Variants in GALNT17 observed in about 807,000 individuals in gnomAD.
GALNT17 encodes UDP-GalNAc:polypeptide N-acetylgalactosaminyltransferase-like 3.
Under a neutral mutation model 63.7 loss-of-function variants are expected in GALNT17, and 29 were observed. That is an observed-to-expected ratio of 0.46 (90% CI 0.34 to 0.62). GALNT17 has a LOEUF of 0.62. Ranked by LOEUF, GALNT17 falls within the 20% of genes least tolerant of loss-of-function variation. The probability of loss-of-function intolerance (pLI) is 0.01; values close to 1 mark genes in which losing one functional copy is unlikely to be tolerated. For synonymous variants in GALNT17, 305 were observed against 318.3 expected (o/e 0.96, Z 0.45); for missense variants, 603 against 799.6 (o/e 0.75, Z 2.97).
chr7:71,266,770 C>T (rs2115667681), intron 1 of GALNT17, among the ~76,000 whole-genome samples: 1 of 152,204 alleles, frequency 6.6e-6, no homozygotes, highest in Non-Finnish European at 1.5e-5. Context: ...ACCTGGAAGG[C>T]CAGCTCTGCT....
chr7:71,335,171 G>A (rs892284762), intron 1 of GALNT17, among the ~76,000 whole-genome samples: 6 of 151,922 alleles, frequency 3.9e-5, no homozygotes, highest in African/African-American at 1.5e-4. Context: ...TTGCTCTATT[G>A]CCCAGGCTGG....
Position 71,595,660 on chromosome 7 carries a change from G to GACACACAC in GALNT17, c.1080+24295_1080+24302dup, listed in dbSNP as rs61389262. On this transcript the variant is annotated intron_variant, in intron 6 of 10. Transcript: ENST00000333538. ...TAAGATGCATAGAGAGAGAGACTGA[G>GACACACAC]ACACACACACACACACACACACACA... 1.1e-4 allele frequency among the ~76,000 whole-genome samples: 16 copies of GACACACAC among 142,788 alleles called. 1 individual carries two copies. Among genetic ancestry groups the GACACACAC allele is most frequent in the African/African-American group, 3.4e-4 (13 of 38,700 alleles). 93.7% of individuals were successfully genotyped at this position (142,788 alleles called of 152,430 possible).
rs1284838839 is a variant in GALNT17 at position 71,411,151 on chromosome 7, C to T, written c.590-4738C>T. 2.0e-5 allele frequency among the ~76,000 whole-genome samples: 3 copies of T among 151,578 alleles called. No homozygotes were observed. The South Asian group carries it at 6.2e-4, about 32-fold the overall frequency. On this transcript the variant is annotated intron_variant, in intron 3 of 10. Transcript: ENST00000333538. ...TTTTTTTTCTTTTTTGAGAGAGTCT[C>T]GCTCTGTCACCCAGACTGGAGTGCA...
chr7:71,150,542 T>C (rs1166110863), intron 1 of GALNT17, among the ~76,000 whole-genome samples: 2 of 150,580 alleles, frequency 1.3e-5, no homozygotes, highest in African/African-American at 4.9e-5. Flanking sequence ...AGATGGAGTC[T>C]TGCTGTGTCC....
At chr7:71,573,262 G>C (rs927373663) in intron 6 of GALNT17, among the ~76,000 whole-genome samples, 2 of 151,524 alleles carry the variant, frequency 1.3e-5, no homozygotes, top group African/African-American at 2.4e-5. Context: ...TTCCCGCCTC[G>C]GCCTCCCAAA....
chr7:71,321,943 C>CCCTCCCTCCCTCCCTT (rs1554353238), intron 1 of GALNT17, among the ~76,000 whole-genome samples: 1 of 47,636 alleles, frequency 2.1e-5, no homozygotes, highest in African/African-American at 8.5e-5. Context: ...CTCCCTCCCT[C>CCCTCCCTCCCTCCCTT]CCTTCCTTCC....
chr7:71,194,725 G>C (rs568780864), intron 1 of GALNT17, among the ~76,000 whole-genome samples: 1 of 152,240 alleles, frequency 6.6e-6, no homozygotes, highest in East Asian at 1.9e-4. Flanking sequence ...CTCCCTTCCA[G>C]CTCCAAACTT....
intron 1 of GALNT17, among the ~76,000 whole-genome samples, chr7:71,263,397 A>C (rs1790422273): frequency 1.3e-5 from 2 of 152,110 alleles, no homozygotes; most frequent in Admixed American, 6.5e-5. Context: ...ATCTTGCAGC[A>C]CTTTGATCTT....
At position 71,440,421 on chromosome 7, in the gene GALNT17, C is replaced by T. The variant is rs141494926; in HGVS notation, c.962+19316C>T. Among the ~76,000 whole-genome samples the T allele has an allele frequency of 1.0e-3, 147 of 145,140 alleles. 1 individual carries two copies. The highest frequency in any genetic ancestry group is 3.4e-3 in the African/African-American group (134 of 39,144). On this transcript the variant is annotated intron_variant, in intron 5 of 10. Coordinates refer to ENST00000333538, the MANE Select transcript of GALNT17 (RefSeq NM_022479.3). ...ATGGAGTTTCCCTCTGTTGCCCAGG[C>T]TAGAGTGCAATGGCACGATCTCAGC...
At chr7:71,396,158 C>T (rs899186022) in intron 3 of GALNT17, among the ~76,000 whole-genome samples, 5 of 151,924 alleles carry the variant, frequency 3.3e-5, no homozygotes, top group African/African-American at 1.2e-4. Flanking sequence ...GGTGCTTGAG[C>T]TTTTGGTGTC....
intron 5 of GALNT17, among the ~76,000 whole-genome samples, chr7:71,444,392 G>A (rs1787122011): frequency 6.6e-6 from 1 of 152,164 alleles, no homozygotes; most frequent in South Asian, 2.1e-4. Context: ...CTCCTGCCAT[G>A]TGGCCACACT....
At chr7:71,385,201 G>A (rs533792929) in intron 2 of GALNT17, among the ~76,000 whole-genome samples, 43 of 152,170 alleles carry the variant, frequency 2.8e-4, no homozygotes, top group African/African-American at 7.2e-4. Flanking sequence ...AAGCGATACC[G>A]AGAAACCCAG....
chr7:71,170,678 T>C (rs1452634530), intron 1 of GALNT17, among the ~76,000 whole-genome samples: 1 of 152,098 alleles, frequency 6.6e-6, no homozygotes, highest in Non-Finnish European at 1.5e-5. Context: ...ATTTTGAGTG[T>C]GTGTGTACAT....
chr7:71,386,485 A>G lies in GALNT17; in HGVS notation c.423-1750A>G, dbSNP rs542760655. Among the ~76,000 whole-genome samples, 136 of 151,862 alleles carry G rather than the reference A, an allele frequency of 9.0e-4. 1 individual carries two copies. The highest frequency in any genetic ancestry group is 1.7e-3 in the South Asian group (8 of 4,788). ...ACTGTGTTTCTCTTTGCTATTTCCA[A>G]TGTGGCTTAGGCGTAAGCATGAAAT... On this transcript the variant is annotated intron_variant, in intron 2 of 10. Coordinates refer to ENST00000333538, the MANE Select transcript of GALNT17 (RefSeq NM_022479.3).
At chr7:71,147,834 T>C (rs142264218) in intron 1 of GALNT17, among the ~76,000 whole-genome samples, 230 of 152,242 alleles carry the variant, frequency 1.5e-3, no homozygotes, top group African/African-American at 4.7e-3. Flanking sequence ...GGTTTCACTA[T>C]GTTGGCCAGG....
Position 71,484,797 on chromosome 7 carries a change from ATTTT to A in GALNT17, c.962+63709_962+63712del, listed in dbSNP as rs386410414. 4.7e-5 allele frequency among the ~76,000 whole-genome samples: 5 copies of A among 107,364 alleles called. No homozygotes were observed. The East Asian group carries it at 1.1e-3, about 24-fold the overall frequency. 70.4% of individuals were successfully genotyped at this position (107,364 alleles called of 152,430 possible). A position where few individuals can be genotyped will look rare whatever the true frequency, so the allele number is the denominator to read the frequency against. On this transcript the variant is annotated intron_variant, in intron 5 of 10. Coordinates refer to ENST00000333538, the MANE Select transcript of GALNT17 (RefSeq NM_022479.3). Reference sequence around the variant, plus strand: ...GATACACTGGGAACCCAGCATCAGGATTTTTTTTTTTTTTTTTTTTGACAGAGTC... The same window carrying A: ...GATACACTGGGAACCCAGCATCAGGATTTTTTTTTTTTTTTTGACAGAGTC...
At chr7:71,192,659 G>A (rs767586955) in intron 1 of GALNT17, among the ~76,000 whole-genome samples, 82 of 152,314 alleles carry the variant, frequency 5.4e-4, no homozygotes, top group Non-Finnish European at 9.7e-4. Context: ...GCCTCCCAAA[G>A]TGCTGGTATT....
At chr7:71,258,611 T>C (rs1790328940) in intron 1 of GALNT17, among the ~76,000 whole-genome samples, 1 of 152,222 alleles carries the variant, frequency 6.6e-6, no homozygotes, top group Non-Finnish European at 1.5e-5. Flanking sequence ...GGCAGGAATA[T>C]ATCACAGAAA....
At position 71,712,131 on chromosome 7, in the gene GALNT17, G is replaced by T; in HGVS notation, c.1782G>T (p.Lys594Asn). The change falls in exon 11 of 11, where the codon AAG becomes AAT. Residue 594 changes from lysine (K) to asparagine (N), a missense_variant. Transcript: ENST00000333538. ...RSCTGQRWTI[K>N]NSIK is the part of the protein sequence containing the mutation. ...GCACAGGTCAGAGGTGGACCATTAAGAACTCCATCAAGTAGAGGGAGGGAG... is the reference window on the plus strand; with the variant it reads ...GCACAGGTCAGAGGTGGACCATTAATAACTCCATCAAGTAGAGGGAGGGAG... 6.2e-7 allele frequency: 1 copy of T among 1,613,476 alleles called. No individual in the cohort carries two copies. Among genetic ancestry groups the T allele is most frequent in the Non-Finnish European group, 8.5e-7 (1 of 1,179,704 alleles).
Sources: gnomAD v4.1 joint callset for allele counts (sites outside exome capture counted in the v4.1 genomes callset) on GRCh38, gnomAD v4.1.1 for gene constraint, MANE v1.5 for transcripts, NCBI Gene and HGNC (gene_info 2026-07-23, HGNC 2026-07-21) for gene names.